Variants in ZNF594 observed in about 807,000 individuals in gnomAD.
ZNF594 encodes zinc finger protein HZF18.
For synonymous variants in ZNF594, 336 were observed against 309.4 expected (o/e 1.09, Z -0.90); for missense variants, 1,037 against 964.6 (o/e 1.08, Z -0.99).
intron 1 of ZNF594, among the ~76,000 whole-genome samples, chr17:5,189,038 C>T (rs1234314941): frequency 3.4e-5 from 5 of 149,102 alleles, no homozygotes; most frequent in Non-Finnish European, 5.9e-5. Context: ...TGAGCCACCA[C>T]GCCCAGCCAA....
At chr17:5,188,673 A>G (rs2074402111) in intron 1 of ZNF594, among the ~76,000 whole-genome samples, 1 of 152,160 alleles carries the variant, frequency 6.6e-6, no homozygotes, top group African/African-American at 2.4e-5. Flanking sequence ...TTCAGACAAA[A>G]TAACTCTTTA....
chr17:5,180,231 T>C lies in ZNF594; in HGVS notation c.*1602A>G, dbSNP rs563037073. 1 of 152,122 alleles carries C rather than the reference T, an allele frequency of 6.6e-6. No individual in the cohort carries two copies. The highest frequency in any genetic ancestry group is 1.5e-5 in the Non-Finnish European group (1 of 68,030). The allele number at this position is 152,122 out of a possible 1,614,324, so 9.4% of individuals were successfully genotyped here. On this transcript the variant is annotated 3_prime_UTR_variant, in exon 2 of 2. Transcript: ENST00000575779. ...GTGCCCCACCATGCCTGGCTAATTTTTGTTATTTTTAGTAGAGACGGGGTT... is the reference window on the plus strand; with the variant it reads ...GTGCCCCACCATGCCTGGCTAATTTCTGTTATTTTTAGTAGAGACGGGGTT...
Position 5,180,338 on chromosome 17 carries a change from T to A in ZNF594, c.*1495A>T, listed in dbSNP as rs1261396672. On this transcript the variant is annotated 3_prime_UTR_variant, in exon 2 of 2. Transcript: ENST00000575779. ...TGCCCACCTTGGCTTCCCAAAGTGCTGGATTACAGGTACGAGCCACCGCAC... is the reference window on the plus strand; with the variant it reads ...TGCCCACCTTGGCTTCCCAAAGTGCAGGATTACAGGTACGAGCCACCGCAC... 1.3e-5 allele frequency: 2 copies of A among 152,420 alleles called. No homozygotes were observed. The highest frequency in any genetic ancestry group is 2.9e-5 in the Non-Finnish European group (2 of 68,286). 9.4% of individuals were successfully genotyped at this position (152,420 alleles called of 1,614,324 possible). A position where few individuals can be genotyped will look rare whatever the true frequency, so the allele number is the denominator to read the frequency against.
At chr17:5,179,263 C>T (rs1228623677), downstream of ZNF594, among the ~76,000 whole-genome samples, 1 of 145,884 alleles carries the variant, frequency 6.9e-6, no homozygotes, top group African/African-American at 2.5e-5. Context: ...CACATCCAGA[C>T]TCACCAGGCC....
intron 1 of ZNF594, among the ~76,000 whole-genome samples, chr17:5,189,630 G>A (rs1029429994): frequency 6.6e-6 from 1 of 152,066 alleles, no homozygotes; most frequent in South Asian, 2.1e-4. Context: ...AAACTCCTGG[G>A]CTCAAGCAAT....
At chr17:5,175,130 G>A (rs908228864), downstream of ZNF594, 4 of 164,608 alleles carry the variant, frequency 2.4e-5, no homozygotes, top group African/African-American at 9.6e-5. Flanking sequence ...CTCTGAGGTT[G>A]GAAACTCTGT....
chr17:5,175,887 C>T (rs560400798), downstream of ZNF594, among the ~76,000 whole-genome samples: 9 of 152,166 alleles, frequency 5.9e-5, no homozygotes, highest in South Asian at 1.2e-3. Flanking sequence ...AGTTAAAATA[C>T]GGAACACTCA....
In ZNF594 at chr17:5,183,288, A is replaced by G. The variant is rs1751132309; in HGVS notation, c.969T>C (p.Tyr323=). The G allele has an allele frequency of 1.2e-6, 2 of 1,614,166 alleles. No homozygotes were observed. The highest frequency in any genetic ancestry group is 2.2e-5 in the South Asian group (2 of 91,090). ...HQRLHSGEKP[Y]ECHRCGKTFS... ...AGGTCTTCCCACATCTGTGACATTCATAGGGTTTCTCTCCACTGTGGAGTC... is the reference window on the plus strand; with the variant it reads ...AGGTCTTCCCACATCTGTGACATTCGTAGGGTTTCTCTCCACTGTGGAGTC... The change falls in exon 2 of 2, where the codon TAT becomes TAC. Residue 323 remains tyrosine (Y), a synonymous_variant. Coordinates refer to ENST00000575779, the MANE Select transcript of ZNF594 (RefSeq NM_032530.2).
At position 5,179,730 on chromosome 17, in the gene ZNF594, C is replaced by T. The variant is rs1364053575; in HGVS notation, c.*2103G>A. ...GCCTAACATAGACGATATGTTTGCC[C>T]ACAAAAGGAATAAAAAGACTAATGA... On this transcript the variant is annotated 3_prime_UTR_variant, in exon 2 of 2. Coordinates refer to ENST00000575779, the MANE Select transcript of ZNF594 (RefSeq NM_032530.2). 2.2e-4 allele frequency: 33 copies of T among 151,986 alleles called. No homozygotes were observed. Among genetic ancestry groups the T allele is most frequent in the East Asian group, 1.9e-4 (1 of 5,140 alleles). 9.4% of individuals were successfully genotyped at this position (151,986 alleles called of 1,614,324 possible). A position where few individuals can be genotyped will look rare whatever the true frequency, so the allele number is the denominator to read the frequency against.
chr17:5,184,215 C>A lies in ZNF594; in HGVS notation c.42G>T (p.Lys14Asn), dbSNP rs1431574260. The A allele has an allele frequency of 2.5e-6, 4 of 1,613,214 alleles. No individual in the cohort carries two copies. In the South Asian group the frequency reaches 3.3e-5, roughly 13 times the overall value. ...WKSKMEISEEKKSARAASEKL... is the reference protein window; with the variant it reads ...WKSKMEISEENKSARAASEKL... ...TTTCGGATGCAGCCCTTGCTGACTTCTTTTCTTCAGAAATTTCCATCTTTG... is the reference window on the plus strand; with the variant it reads ...TTTCGGATGCAGCCCTTGCTGACTTATTTTCTTCAGAAATTTCCATCTTTG... The change falls in exon 2 of 2, where the codon AAG becomes AAT. Residue 14 changes from lysine to asparagine, a missense_variant. Coordinates refer to ENST00000575779, the MANE Select transcript of ZNF594 (RefSeq NM_032530.2).
intron 1 of ZNF594, 51 bp downstream of exon 1, chr17:5,191,697 G>C (rs1209566330): frequency 6.6e-6 from 1 of 152,340 alleles, no homozygotes; most frequent in East Asian, 1.9e-4. Flanking sequence ...TCGCTTGCCG[G>C]TGGACGCAGG....
rs190717676 is a variant in ZNF594 at position 5,183,771 on chromosome 17, T to C, written c.486A>G (p.Lys162=). The C allele has an allele frequency of 1.1e-5, 18 of 1,613,322 alleles. No homozygotes were observed. The East Asian group carries it at 3.3e-4, about 30-fold the overall frequency. The change falls in exon 2 of 2, where the codon AAA becomes AAG. Residue 162 remains lysine, a synonymous_variant. Transcript: ENST00000575779. ...TAAGATTTGAACTTTGATTAGAGTC[T>C]TTCCCACATTCATTACACACATATG... ...NKPYVCNECG[K]DSNQSSNLII...
intron 1 of ZNF594, among the ~76,000 whole-genome samples, chr17:5,190,567 T>C (rs1275862088): frequency 1.3e-5 from 2 of 152,188 alleles, no homozygotes; most frequent in Non-Finnish European, 2.9e-5. Context: ...TAGGTGAAGC[T>C]AAACAAAGAA....
rs2074337988 is a variant in ZNF594, at chr17:5,181,292, T to C, written c.*541A>G. Reference sequence around the variant, plus strand: ...GAAGGTCTGAGCTCTGATTGAAAGTTTTCCCACATTCTTTACATTCATATG... The same window carrying C: ...GAAGGTCTGAGCTCTGATTGAAAGTCTTCCCACATTCTTTACATTCATATG... On this transcript the variant is annotated 3_prime_UTR_variant, in exon 2 of 2. Transcript: ENST00000575779. The C allele has an allele frequency of 6.2e-7, 1 of 1,612,744 alleles. No homozygotes were observed. Among genetic ancestry groups the C allele is most frequent in the African/African-American group, 1.3e-5 (1 of 74,894 alleles).
At chr17:5,190,349 A>G (rs1473538263) in intron 1 of ZNF594, among the ~76,000 whole-genome samples, 2 of 152,248 alleles carry the variant, frequency 1.3e-5, no homozygotes, top group African/African-American at 2.4e-5. Context: ...GTCTGTTGAC[A>G]GAGCGAGACT....
Position 5,182,904 on chromosome 17 carries a change from A to G in ZNF594, c.1353T>C (p.His451=). 5 of 1,613,406 alleles carry G rather than the reference A, an allele frequency of 3.1e-6. No homozygotes were observed. Among genetic ancestry groups the G allele is most frequent in the Non-Finnish European group, 4.2e-6 (5 of 1,179,808 alleles). ...AGGGTTTCTCTCCAGTATGAACACGATGGTGTCTAATAAGATCTGAGCTGC... is the reference window on the plus strand; with the variant it reads ...AGGGTTTCTCTCCAGTATGAACACGGTGGTGTCTAATAAGATCTGAGCTGC... ...FRGSSDLIRH[H]RVHTGEKPYE... is the part of the protein sequence containing the mutation. The change falls in exon 2 of 2, where the codon CAT becomes CAC. Residue 451 remains histidine, a synonymous_variant. Transcript: ENST00000575779.
chr17:5,184,537 G>C (rs564197119), intron 1 of ZNF594: 2 of 357,620 alleles, frequency 5.6e-6, no homozygotes, highest in African/African-American at 4.2e-5. Flanking sequence ...AATTCACTGG[G>C]GGAGGAGGGC....
At chr17:5,185,883 T>C (rs1319984288) in intron 1 of ZNF594, among the ~76,000 whole-genome samples, 1 of 152,164 alleles carries the variant, frequency 6.6e-6, no homozygotes, top group African/African-American at 2.4e-5. Context: ...CACATCCAGG[T>C]CATGCTGATG....
In ZNF594 at chr17:5,181,665, T is replaced by C; in HGVS notation, c.*168A>G. 6.3e-7 allele frequency: 1 copy of C among 1,579,768 alleles called. No homozygotes were observed. Among genetic ancestry groups the C allele is most frequent in the Non-Finnish European group, 8.7e-7 (1 of 1,148,958 alleles). On this transcript the variant is annotated 3_prime_UTR_variant, in exon 2 of 2. Coordinates refer to ENST00000575779, the MANE Select transcript of ZNF594 (RefSeq NM_032530.2). ...ATAGGGCTTCTCTCCAGTGTGGATT[T>C]TCTGGTGTGTGACAAGGTGGGACCT...
Sources: gnomAD v4.1 joint callset for allele counts (sites outside exome capture counted in the v4.1 genomes callset) on GRCh38, gnomAD v4.1.1 for gene constraint, MANE v1.5 for transcripts, NCBI Gene and HGNC (gene_info 2026-07-23, HGNC 2026-07-21) for gene names.